CPQ: variants seen among roughly 807,000 people sequenced by gnomAD.
CPQ encodes the protein Ser-Met dipeptidase.
In CPQ, 37 loss-of-function variants were observed where a neutral mutation model predicts 45.7. The observed-to-expected ratio is 0.81, with a 90% CI of 0.62 to 1.07. CPQ has a LOEUF of 1.07. Ranked by LOEUF, CPQ falls within the 50% of genes least tolerant of loss-of-function variation. CPQ has a pLI of 0.00. For missense variants in CPQ, 537 were observed against 572.9 expected, an observed-to-expected ratio of 0.94 and a Z score of 0.64; for synonymous variants, 186 against 205.8, an observed-to-expected ratio of 0.90 and a Z score of 0.82.
intron 1 of CPQ, among the ~76,000 whole-genome samples, chr8:96,683,714 T>G (rs538709788): frequency 6.6e-6 from 1 of 152,074 alleles, no homozygotes; most frequent in Admixed American, 6.5e-5. Context: ...CTTCATTCTT[T>G]TAAATCCATT....
At chr8:96,869,340 A>T (rs1435005305) in intron 3 of CPQ, among the ~76,000 whole-genome samples, 1 of 152,074 alleles carries the variant, frequency 6.6e-6, no homozygotes, top group Non-Finnish European at 1.5e-5. Context: ...ATAACTGAGC[A>T]GCCTACCATA....
intron 6 of CPQ, among the ~76,000 whole-genome samples, chr8:97,036,020 C>G (rs914346842): frequency 1.3e-5 from 2 of 152,096 alleles, no homozygotes; most frequent in Non-Finnish European, 2.9e-5. Flanking sequence ...TTAAGACTAT[C>G]TTCATTTCGG....
intron 3 of CPQ, among the ~76,000 whole-genome samples, chr8:96,846,796 A>C (rs1429694160): frequency 6.6e-6 from 1 of 152,172 alleles, no homozygotes; most frequent in African/African-American, 2.4e-5. Context: ...TGTTTCCCCC[A>C]GTAATGTTGT....
chr8:96,988,933 A>G (rs1368097286), intron 5 of CPQ, among the ~76,000 whole-genome samples: 1 of 152,236 alleles, frequency 6.6e-6, no homozygotes, highest in Non-Finnish European at 1.5e-5. Flanking sequence ...ATACATCTTG[A>G]CCAAATATTT....
intron 4 of CPQ, among the ~76,000 whole-genome samples, chr8:96,904,484 G>T (rs776392024): frequency 6.6e-6 from 1 of 152,168 alleles, no homozygotes; most frequent in Non-Finnish European, 1.5e-5. Context: ...TCTGATTGCA[G>T]CTCTGACTTA....
chr8:97,099,939 G>C (rs1811275096), intron 7 of CPQ, among the ~76,000 whole-genome samples: 1 of 152,154 alleles, frequency 6.6e-6, no homozygotes, highest in South Asian at 2.1e-4. Context: ...GTGTTTACTT[G>C]TCTAGTCCCC....
At chr8:96,925,131 G>A (rs527258199) in intron 4 of CPQ, among the ~76,000 whole-genome samples, 1 of 152,286 alleles carries the variant, frequency 6.6e-6, no homozygotes, top group African/African-American at 2.4e-5. Context: ...CTCTATATGT[G>A]TTTATCAAAC....
At chr8:96,898,776 TAAA>T (rs11390361) in intron 4 of CPQ, among the ~76,000 whole-genome samples, 122 of 137,630 alleles carry the variant, frequency 8.9e-4, no homozygotes, top group African/African-American at 2.6e-3. Flanking sequence ...TAGGGTATAA[TAAA>T]AAAAAAAAAA....
chr8:96,975,594 A>G (rs936623539), intron 5 of CPQ, among the ~76,000 whole-genome samples: 1 of 152,174 alleles, frequency 6.6e-6, no homozygotes, highest in African/African-American at 2.4e-5. Context: ...AAAATCCTCA[A>G]CAAAATACTA....
At chr8:96,836,399 G>T (rs1414688715) in intron 3 of CPQ, among the ~76,000 whole-genome samples, 1 of 152,128 alleles carries the variant, frequency 6.6e-6, no homozygotes, top group Non-Finnish European at 1.5e-5. Context: ...GGAGGATGGG[G>T]CATGTTAAAA....
At chr8:96,698,278 G>C (rs1454610037) in intron 1 of CPQ, among the ~76,000 whole-genome samples, 4 of 152,108 alleles carry the variant, frequency 2.6e-5, no homozygotes, top group Non-Finnish European at 5.9e-5. Context: ...GTGGTGCTGG[G>C]AAAACTGGAT....
intron 2 of CPQ, among the ~76,000 whole-genome samples, chr8:96,798,311 T>A (rs1235214800): frequency 6.6e-6 from 1 of 151,804 alleles, no homozygotes; most frequent in Non-Finnish European, 1.5e-5. Context: ...TCGATTTTTT[T>A]TAATAAAGAT....
At chr8:96,980,648 C>T (rs990168378) in intron 5 of CPQ, among the ~76,000 whole-genome samples, 16 of 152,158 alleles carry the variant, frequency 1.1e-4, no homozygotes, top group African/African-American at 3.4e-4. Context: ...TCTCAGCTCT[C>T]GAGTCTTCAT....
At chr8:96,777,720 G>T (rs1810624349) in intron 1 of CPQ, among the ~76,000 whole-genome samples, 1 of 64,004 alleles carries the variant, frequency 1.6e-5, no homozygotes, top group Non-Finnish European at 2.7e-5. Flanking sequence ...CTGTGTCTTA[G>T]AAAATATATA....
intron 4 of CPQ, among the ~76,000 whole-genome samples, chr8:96,894,746 T>C (rs1447026154): frequency 6.6e-6 from 1 of 152,162 alleles, no homozygotes; most frequent in African/African-American, 2.4e-5. Flanking sequence ...GTCTAAGCTA[T>C]CCAGAAAAGC....
intron 1 of CPQ, among the ~76,000 whole-genome samples, chr8:96,767,346 C>T (rs1202866168): frequency 6.6e-6 from 1 of 152,024 alleles, no homozygotes; most frequent in Non-Finnish European, 1.5e-5. Flanking sequence ...AGTGAGACAT[C>T]GGGAAATAAA....
chr8:97,138,995 G>A (rs1022212406), intron 7 of CPQ, among the ~76,000 whole-genome samples: 1 of 151,886 alleles, frequency 6.6e-6, no homozygotes, highest in South Asian at 2.1e-4. Context: ...ACAGATAGAA[G>A]CAAAAAAATT....
intron 1 of CPQ, among the ~76,000 whole-genome samples, chr8:96,655,867 A>G (rs561399311): frequency 2.6e-4 from 40 of 152,268 alleles, no homozygotes; most frequent in African/African-American, 9.6e-4. Context: ...GTGTTCTAGC[A>G]TTGGTGTCTG....
chr8:97,112,877 G>A lies in CPQ; in HGVS notation c.1256-30143G>A, dbSNP rs537409267. On this transcript the variant is annotated intron_variant, in intron 7 of 7. Transcript: ENST00000220763. The stretch of plus-strand genomic sequence containing the variant: ...TCAGGCTTGCGCCTCTGGGATAATC[G>A]TAGCACACCCACAGAAGTTGGGAAG... Among the ~76,000 whole-genome samples the A allele has an allele frequency of 2.0e-5, 3 of 152,322 alleles. No homozygotes were observed. The South Asian group carries it at 6.2e-4, about 32-fold the overall frequency.
Sources: allele counts gnomAD v4.1 joint callset (sites outside exome capture counted in the v4.1 genomes callset), GRCh38; gene constraint gnomAD v4.1.1; transcripts MANE v1.5; gene names NCBI Gene and HGNC (gene_info 2026-07-23, HGNC 2026-07-21).